The following CDH9 variants were observed in gnomAD, a reference collection of about 807,000 sequenced individuals.
CDH9 encodes the protein cadherin-9.
Under a neutral mutation model 70.9 loss-of-function variants are expected in CDH9, and 28 were observed. The ratio of observed to expected loss-of-function variants is 0.40; its 90% CI spans 0.29 to 0.54. CDH9 has a LOEUF of 0.54. Ranked by LOEUF, CDH9 falls within the 20% of genes least tolerant of loss-of-function variation. The pLI is 0.59. For missense variants in CDH9, 874 were observed against 984.4 expected (o/e 0.89, Z 1.50); for synonymous variants, 409 against 343.1 (o/e 1.19, Z -2.12).
intron 2 of CDH9, among the ~76,000 whole-genome samples, chr5:26,919,699 G>T (rs548243161): frequency 1.3e-5 from 2 of 152,196 alleles, no homozygotes; most frequent in East Asian, 3.9e-4. Context: ...GGAGGGGAAA[G>T]AGGATTTTGT....
intron 1 of CDH9, among the ~76,000 whole-genome samples, chr5:27,024,177 T>G (rs569607690): frequency 6.6e-6 from 1 of 152,152 alleles, no homozygotes; most frequent in East Asian, 1.9e-4. Flanking sequence ...CTAAGAACCA[T>G]GTTTTTCACA....
At chr5:27,011,243 T>C (rs550101380) in intron 1 of CDH9, among the ~76,000 whole-genome samples, 1 of 152,196 alleles carries the variant, frequency 6.6e-6, no homozygotes, top group Admixed American at 6.6e-5. Context: ...AAAAGATATA[T>C]TTAAGTCCCA....
rs751570844 is a variant in CDH9 at position 26,881,319 on chromosome 5, T to G, written c.2187A>C (p.Ala729=). 6.2e-7 allele frequency: 1 copy of G among 1,613,014 alleles called. No individual in the cohort carries two copies. The highest frequency in any genetic ancestry group is 8.5e-7 in the Non-Finnish European group (1 of 1,179,138). Residue 729 remains alanine, a synonymous_variant, in exon 12 of 12, where the codon GCA becomes GCC. Transcript: ENST00000231021. ...RLKENDADPS[A]PPYDSLATYA... is the part of the protein sequence containing the mutation. ...ACGTTGCCAGCGAATCATATGGAGG[T>G]GCACTTGGGTCTGCGTCGTTTTCTT...
chr5:27,012,951 G>T (rs1460260301), intron 1 of CDH9, among the ~76,000 whole-genome samples: 1 of 151,934 alleles, frequency 6.6e-6, no homozygotes, highest in Non-Finnish European at 1.5e-5. Flanking sequence ...GAGGGTGAGT[G>T]AAACAAGGAG....
At chr5:27,003,198 G>T (rs1025655375) in intron 1 of CDH9, among the ~76,000 whole-genome samples, 13 of 152,176 alleles carry the variant, frequency 8.5e-5, no homozygotes, top group Middle Eastern at 3.4e-3. Context: ...TTGAATTGTG[G>T]AGCATTTCAG....
At chr5:26,920,762 G>C (rs1741230274) in intron 2 of CDH9, among the ~76,000 whole-genome samples, 1 of 152,182 alleles carries the variant, frequency 6.6e-6, no homozygotes, top group Admixed American at 6.5e-5. Flanking sequence ...ACCTCTATGA[G>C]TCTGCAAGAG....
intron 2 of CDH9, among the ~76,000 whole-genome samples, chr5:26,954,341 C>T (rs1257494099): frequency 1.3e-5 from 2 of 149,246 alleles, no homozygotes; most frequent in African/African-American, 4.9e-5. Context: ...TTAATCCTAA[C>T]TGCAGTTTTG....
In CDH9 at chr5:26,988,145, C is replaced by T. The variant is rs549142694; in HGVS notation, c.189G>A (p.Leu63=). 1 of 1,612,872 alleles carries T rather than the reference C, an allele frequency of 6.2e-7. No homozygotes were observed. Among genetic ancestry groups the T allele is most frequent in the South Asian group, 1.1e-5 (1 of 91,040 alleles). Residue 63 remains leucine (L), a synonymous_variant, in exon 2 of 12, where the codon TTG becomes TTA. Transcript: ENST00000231021. The stretch of plus-strand genomic sequence containing the variant: ...GTGTGTCAGTACCTGTGTACTCTTC[C>T]AATAAGAAGAACTGATTCCACATCC... ...RGWMWNQFFL[L]EEYTGTDTQY... is the part of the protein sequence containing the mutation.
intron 7 of CDH9, among the ~76,000 whole-genome samples, chr5:26,896,852 A>T (rs1740760421): frequency 1.3e-5 from 2 of 152,170 alleles, no homozygotes; most frequent in South Asian, 4.1e-4. Context: ...GACACAAAAA[A>T]ACCCTCAAAA....
chr5:26,995,430 A>G (rs1251897139), intron 1 of CDH9, among the ~76,000 whole-genome samples: 2 of 152,158 alleles, frequency 1.3e-5, no homozygotes, highest in Non-Finnish European at 2.9e-5. Context: ...TTTGCATAAC[A>G]TGAGATTCTG....
intron 2 of CDH9, among the ~76,000 whole-genome samples, chr5:26,959,892 A>C (rs1457283868): frequency 9.9e-6 from 1 of 100,924 alleles, no homozygotes; most frequent in Non-Finnish European, 2.4e-5. Context: ...TGATTATTTA[A>C]TGTGTATAGG....
intron 9 of CDH9, among the ~76,000 whole-genome samples, chr5:26,888,150 G>T (rs1377218825): frequency 1.3e-5 from 2 of 152,110 alleles, no homozygotes; most frequent in Non-Finnish European, 2.9e-5. Flanking sequence ...AGTGTTATGA[G>T]AAATTTACAT....
At chr5:26,968,453 T>A (rs1742164745) in intron 2 of CDH9, among the ~76,000 whole-genome samples, 1 of 151,932 alleles carries the variant, frequency 6.6e-6, no homozygotes, top group Non-Finnish European at 1.5e-5. Context: ...ACCCAGCTGA[T>A]TTTTGTATTT....
At chr5:27,001,141 TA>T (rs1162869324) in intron 1 of CDH9, among the ~76,000 whole-genome samples, 1 of 152,030 alleles carries the variant, frequency 6.6e-6, no homozygotes, top group Non-Finnish European at 1.5e-5. Context: ...ATTTAGTAGG[TA>T]GGAGCTGGAA....
chr5:26,945,874 C>A (rs973823994), intron 2 of CDH9, among the ~76,000 whole-genome samples: 6 of 152,108 alleles, frequency 3.9e-5, no homozygotes, highest in Admixed American at 2.6e-4. Flanking sequence ...GCTATCCATT[C>A]TTTTCCGTCA....
intron 1 of CDH9, among the ~76,000 whole-genome samples, chr5:27,002,471 G>A (rs374279164): frequency 1.3e-5 from 2 of 152,040 alleles, no homozygotes; most frequent in Admixed American, 6.6e-5. Flanking sequence ...ACATGCACAC[G>A]TATGTTTATT....
At chr5:26,967,825 C>A (rs1742154034) in intron 2 of CDH9, among the ~76,000 whole-genome samples, 1 of 151,956 alleles carries the variant, frequency 6.6e-6, no homozygotes, top group Non-Finnish European at 1.5e-5. Context: ...CTCAGCCTCC[C>A]AAGTAGCTGG....
At chr5:26,988,663 T>G (rs1742529916) in intron 1 of CDH9, among the ~76,000 whole-genome samples, 1 of 152,000 alleles carries the variant, frequency 6.6e-6, no homozygotes, top group South Asian at 2.1e-4. Context: ...TTTAAAACAC[T>G]AAATATTTTG....
At chr5:26,888,948 A>G (rs1166187912) in intron 9 of CDH9, among the ~76,000 whole-genome samples, 1 of 152,118 alleles carries the variant, frequency 6.6e-6, no homozygotes, top group African/African-American at 2.4e-5. Context: ...ACTTCACTTC[A>G]TCTTAATTAC....
Sources: gnomAD v4.1 joint callset for allele counts (sites outside exome capture counted in the v4.1 genomes callset) on GRCh38, gnomAD v4.1.1 for gene constraint, MANE v1.5 for transcripts, NCBI Gene and HGNC (gene_info 2026-07-23, HGNC 2026-07-21) for gene names.